The following TMEM130 variants were observed in gnomAD, a reference collection of about 807,000 sequenced individuals.
TMEM130 encodes transmembrane protein 130.
TMEM130 carries 37 observed loss-of-function variants against 42.9 expected under a neutral mutation model. The observed-to-expected ratio is 0.86, with a 90% CI of 0.66 to 1.13. TMEM130 has a LOEUF of 1.13. TMEM130 is among the 50% of genes most tolerant of loss of function. The probability of loss-of-function intolerance (pLI) is 0.00; values close to 1 mark genes in which losing one functional copy is unlikely to be tolerated. For missense variants in TMEM130, 545 were observed against 562.6 expected, an observed-to-expected ratio of 0.97 and a Z score of 0.32; for synonymous variants, 259 against 237.7, an observed-to-expected ratio of 1.09 and a Z score of -0.82.
intron 2 of TMEM130, among the ~76,000 whole-genome samples, chr7:98,862,629 G>T (rs1794807619): frequency 6.7e-6 from 1 of 149,824 alleles, no homozygotes; most frequent in African/African-American, 2.5e-5. Context: ...CTCTTATACA[G>T]CTGGGATTAT....
chr7:98,850,273 A>ATATATATATATTTTTTTTTTTTTTT, intron 6 of TMEM130, among the ~76,000 whole-genome samples: 8 of 35,456 alleles, frequency 2.3e-4, no homozygotes, highest in Non-Finnish European at 4.4e-4. Flanking sequence ...ATATATATAT[A>ATATATATATATTTTTTTTTTTTTTT]TTTTTTTTTT....
intron 7 of TMEM130, 39 bp from the exon 8 acceptor site, chr7:98,848,247 A>G (rs998605179): frequency 6.2e-7 from 1 of 1,612,698 alleles, no homozygotes; most frequent in Non-Finnish European, 8.5e-7. Flanking sequence ...TCAGCCACCT[A>G]TGATGAACAA....
intron 6 of TMEM130, among the ~76,000 whole-genome samples, chr7:98,850,414 A>G (rs1267005356): frequency 1.3e-5 from 2 of 150,822 alleles, no homozygotes; most frequent in East Asian, 3.9e-4. Context: ...CGTAGCTGGG[A>G]TTACAGACTC....
intron 1 of TMEM130, chr7:98,866,124 C>A (rs1794900668): frequency 6.6e-6 from 1 of 152,554 alleles, no homozygotes; most frequent in Non-Finnish European, 1.5e-5. Context: ...CCGGCCTGGC[C>A]AACATGGCGA....
intron 1 of TMEM130, among the ~76,000 whole-genome samples, chr7:98,864,373 AT>A (rs1300065501): frequency 1.4e-5 from 2 of 143,278 alleles, no homozygotes; most frequent in Admixed American, 7.0e-5. Flanking sequence ...CGCTTGGCTG[AT>A]TTTTTTCTTT....
intron 5 of TMEM130, 103 bp from the exon 6 acceptor site, chr7:98,851,726 T>C (rs1794511879): frequency 1.9e-6 from 2 of 1,072,280 alleles, no homozygotes; most frequent in Non-Finnish European, 2.6e-6. Flanking sequence ...CAGTGTCCTT[T>C]CCAGGACAGG....
At chr7:98,859,288 G>T (rs1794702006) in intron 3 of TMEM130, among the ~76,000 whole-genome samples, 1 of 151,712 alleles carries the variant, frequency 6.6e-6, no homozygotes, top group South Asian at 2.1e-4. Context: ...GGGGAAAAAA[G>T]ACAAAAAGTT....
chr7:98,859,110 A>AAAGG (rs1299437483), intron 3 of TMEM130, among the ~76,000 whole-genome samples: 1 of 138,290 alleles, frequency 7.2e-6, no homozygotes, highest in African/African-American at 2.7e-5. Flanking sequence ...AAGAAGGAAG[A>AAAGG]AAGGAAGGGA....
intron 4 of TMEM130, among the ~76,000 whole-genome samples, chr7:98,855,716 G>C (rs1794615101): frequency 1.3e-5 from 2 of 151,936 alleles, no homozygotes; most frequent in Admixed American, 1.3e-4. Context: ...GGAGGCCGAT[G>C]GGGCCGGGGA....
chr7:98,862,899 G>A (rs1242501744), intron 2 of TMEM130, among the ~76,000 whole-genome samples, 196 bp downstream of exon 2: 1 of 152,108 alleles, frequency 6.6e-6, no homozygotes, highest in African/African-American at 2.4e-5. Flanking sequence ...GTCCCTTTTA[G>A]CACAATACCT....
intron 6 of TMEM130, among the ~76,000 whole-genome samples, chr7:98,850,885 T>C (rs1794484312): frequency 6.6e-6 from 1 of 152,092 alleles, no homozygotes; most frequent in African/African-American, 2.4e-5. Flanking sequence ...AAAGTGTTTG[T>C]GCTGGGGACG....
At chr7:98,850,520 C>G (rs1463590158) in intron 6 of TMEM130, among the ~76,000 whole-genome samples, 1 of 151,618 alleles carries the variant, frequency 6.6e-6, no homozygotes, top group Non-Finnish European at 1.5e-5. Context: ...CTCAAGTGAT[C>G]CACCCACCTC....
rs782217703 is a variant in TMEM130 at position 98,856,012 on chromosome 7, C to A, written c.718+5G>T. The A allele has an allele frequency of 2.5e-6, 4 of 1,611,942 alleles. No homozygotes were observed. The South Asian group carries it at 4.4e-5, about 18-fold the overall frequency. ...CAGACTGCATCAGCCTGCCTGGACACCCACCCTGCAGCTTCAGCGAGGCGG... is the reference window on the plus strand; with the variant it reads ...CAGACTGCATCAGCCTGCCTGGACAACCACCCTGCAGCTTCAGCGAGGCGG... On this transcript the variant is annotated splice_donor_5th_base_variant and intron_variant, in intron 4 of 7. Coordinates refer to ENST00000339375, the MANE Select transcript of TMEM130 (RefSeq NM_152913.3).
chr7:98,855,814 C>T (rs1231983826), intron 4 of TMEM130, among the ~76,000 whole-genome samples: 1 of 152,228 alleles, frequency 6.6e-6, no homozygotes, highest in Non-Finnish European at 1.5e-5. Flanking sequence ...GGCACAAGGG[C>T]CGCTCAGCCA....
intron 5 of TMEM130, among the ~76,000 whole-genome samples, chr7:98,852,360 C>T (rs953768949): frequency 3.9e-5 from 6 of 152,030 alleles, no homozygotes; most frequent in African/African-American, 1.4e-4. Flanking sequence ...AAACTCCTGA[C>T]CTCAGGTGAC....
intron 1 of TMEM130, among the ~76,000 whole-genome samples, chr7:98,863,866 CT>C (rs1402386820): frequency 7.0e-6 from 1 of 141,918 alleles, no homozygotes; most frequent in East Asian, 2.1e-4. Context: ...TTCTTTCTTT[CT>C]TCCTTTCTTC....
intron 5 of TMEM130, among the ~76,000 whole-genome samples, chr7:98,853,526 G>A (rs1161126995): frequency 1.3e-5 from 2 of 152,218 alleles, no homozygotes; most frequent in Non-Finnish European, 2.9e-5. Context: ...TACTCGGGAG[G>A]CTGAGGCAGG....
Position 98,848,742 on chromosome 7 carries a change from C to T in TMEM130, c.1007-47G>A, listed in dbSNP as rs782230085. On this transcript the variant is annotated intron_variant, in intron 6 of 7. Coordinates refer to ENST00000339375, the MANE Select transcript of TMEM130 (RefSeq NM_152913.3). ...TTACAGGACTGGGTAGCTGGTACTA[C>T]AGTGCTGGTTCTCAGGAAGCAAGCA... is the stretch of plus-strand genomic sequence containing the variant. 5.4e-6 allele frequency: 7 copies of T among 1,285,934 alleles called. No homozygotes were observed. The Admixed American group carries it at 1.2e-4, about 22-fold the overall frequency. The allele number at this position is 1,285,934 out of a possible 1,614,324, so 79.7% of individuals were successfully genotyped here.
At position 98,869,829 on chromosome 7, in the gene TMEM130, G is replaced by A; in HGVS notation, c.33C>T (p.Arg11=). The A allele has an allele frequency of 6.9e-7, 1 of 1,446,892 alleles. No homozygotes were observed. Among genetic ancestry groups the A allele is most frequent in the Non-Finnish European group, 9.1e-7 (1 of 1,101,288 alleles). The allele number at this position is 1,446,892 out of a possible 1,614,324, so 89.6% of individuals were successfully genotyped here. ...GCAGGAGGCAGGCAAGCCAGAGGAT[G>A]CGGCCGAGGCGCGACCACACTGCCT... MAQAVWSRLG[R]ILWLACLLPW... The change falls in exon 1 of 8, where the codon CGC becomes CGT. Residue 11 remains arginine, a synonymous_variant. Coordinates refer to ENST00000339375, the MANE Select transcript of TMEM130 (RefSeq NM_152913.3). This position sits in a 1 kb window ranked among gnomAD's most constrained non-coding sequence, Gnocchi z 4.7.
Sources: gnomAD v4.1 joint callset for allele counts (sites outside exome capture counted in the v4.1 genomes callset) on GRCh38, gnomAD v4.1.1 for gene constraint, Gnocchi (gnomAD v3.1) non-coding constraint, MANE v1.5 for transcripts, NCBI Gene and HGNC (gene_info 2026-07-23, HGNC 2026-07-21) for gene names.